The following NEO1 variants were observed in gnomAD, a reference collection of about 807,000 sequenced individuals.
NEO1 encodes neogenin.
A neutral mutation model predicts 159.7 loss-of-function variants in NEO1; 63 were observed. The observed-to-expected ratio is 0.39, with a 90% CI of 0.32 to 0.49. The LOEUF is 0.49. Among genes scored for constraint, NEO1 ranks in the 20% least tolerant of loss-of-function variants. The probability of loss-of-function intolerance (pLI) is 0.85; values close to 1 mark genes in which losing one functional copy is unlikely to be tolerated. For missense variants in NEO1, 1,615 were observed against 1,831.0 expected (o/e 0.88, Z 2.15); for synonymous variants, 633 against 662.0 (o/e 0.96, Z 0.67).
intron 7 of NEO1, among the ~76,000 whole-genome samples, chr15:73,213,544 T>A (rs1160877336): frequency 6.6e-6 from 1 of 152,208 alleles, no homozygotes; most frequent in Non-Finnish European, 1.5e-5. Flanking sequence ...CCTGAGTTAC[T>A]TCACTTTGAA....
chr15:73,258,612 T>C (rs1044977211), intron 13 of NEO1, among the ~76,000 whole-genome samples, 154 bp from the exon 14 acceptor site: 1 of 152,198 alleles, frequency 6.6e-6, no homozygotes, highest in Non-Finnish European at 1.5e-5. Flanking sequence ...TATGTTGTAT[T>C]TGCATTTTGC....
Position 73,176,384 on chromosome 15 carries a change from T to C in NEO1, c.1016-19T>C. On this transcript the variant is annotated intron_variant, in intron 5 of 28. Transcript: ENST00000261908. ...AGTTCTATTTTCATTAATGTCTTAA[T>C]TTCCTTTTTATTTTAAAGCTCAACC... 1 of 1,498,578 alleles carries C rather than the reference T, an allele frequency of 6.7e-7. No homozygotes were observed. The highest frequency in any genetic ancestry group is 9.0e-7 in the Non-Finnish European group (1 of 1,112,072). 92.8% of individuals were successfully genotyped at this position (1,498,578 alleles called of 1,614,324 possible).
intron 7 of NEO1, among the ~76,000 whole-genome samples, chr15:73,209,577 C>G (rs2037433293): frequency 6.6e-6 from 1 of 151,970 alleles, no homozygotes; most frequent in Admixed American, 6.6e-5. Flanking sequence ...AGTAGGACTC[C>G]GTAGAGAAAT....
chr15:73,226,232 T>C (rs1019981243), intron 7 of NEO1, among the ~76,000 whole-genome samples: 3 of 152,314 alleles, frequency 2.0e-5, no homozygotes, highest in African/African-American at 7.2e-5. Context: ...TGGTTTGTTC[T>C]TGCAGTCAAT....
intron 1 of NEO1, among the ~76,000 whole-genome samples, chr15:73,116,119 G>GA (rs975008645): frequency 6.6e-6 from 1 of 151,902 alleles, no homozygotes; most frequent in African/African-American, 2.4e-5. Flanking sequence ...GTAAATTTAT[G>GA]AAAAAAATAC....
At chr15:73,259,189 T>A (rs905258084) in intron 14 of NEO1, 1 of 232,156 alleles carries the variant, frequency 4.3e-6, no homozygotes, top group Non-Finnish European at 8.6e-6. Flanking sequence ...ACATAAATCA[T>A]GCCTTTATTT....
intron 5 of NEO1, among the ~76,000 whole-genome samples, chr15:73,146,296 C>T (rs1327906769): frequency 2.0e-5 from 3 of 152,172 alleles, no homozygotes; most frequent in South Asian, 4.1e-4. Flanking sequence ...GTGCCTGATG[C>T]TGTGTATTTG....
intron 7 of NEO1, among the ~76,000 whole-genome samples, chr15:73,192,017 T>C (rs1231928475): frequency 6.6e-6 from 1 of 152,040 alleles, no homozygotes; most frequent in Non-Finnish European, 1.5e-5. Flanking sequence ...GCAGACATGA[T>C]TCTCTGCCTT....
At chr15:73,057,892 GTT>G (rs1267224080) in intron 1 of NEO1, among the ~76,000 whole-genome samples, 2 of 151,818 alleles carry the variant, frequency 1.3e-5, no homozygotes, top group African/African-American at 2.4e-5. Flanking sequence ...ATAAATATAT[GTT>G]TGTTTGCAGT....
intron 1 of NEO1, among the ~76,000 whole-genome samples, chr15:73,107,194 G>A (rs1016737527): frequency 7.2e-5 from 11 of 152,166 alleles, no homozygotes; most frequent in Admixed American, 7.2e-4. Context: ...ACAAAAGATT[G>A]AGAGCTACAA....
At chr15:73,077,843 A>C (rs1446897523) in intron 1 of NEO1, among the ~76,000 whole-genome samples, 1 of 152,086 alleles carries the variant, frequency 6.6e-6, no homozygotes, top group African/African-American at 2.4e-5. Flanking sequence ...GGTTACTTCC[A>C]TGAAGCAACT....
intron 27 of NEO1, among the ~76,000 whole-genome samples, chr15:73,300,967 T>G (rs1034462588): frequency 1.3e-5 from 2 of 152,200 alleles, no homozygotes; most frequent in Admixed American, 1.3e-4. Flanking sequence ...TCACCCACTA[T>G]TGCCTTTGTA....
intron 1 of NEO1, among the ~76,000 whole-genome samples, chr15:73,093,399 A>T (rs1049025437): frequency 2.0e-5 from 3 of 152,096 alleles, no homozygotes; most frequent in African/African-American, 4.8e-5. Flanking sequence ...TGGTGTTTCT[A>T]TGTGAATTAT....
At chr15:73,271,690 T>C (rs1472287156) in intron 18 of NEO1, among the ~76,000 whole-genome samples, 1 of 152,160 alleles carries the variant, frequency 6.6e-6, no homozygotes, top group Non-Finnish European at 1.5e-5. Context: ...GCGGATCACC[T>C]GAGGCCAAGA....
At chr15:73,052,318 C>A (rs1333689853), upstream of NEO1, among the ~76,000 whole-genome samples, 1 of 124,680 alleles carries the variant, frequency 8.0e-6, no homozygotes, top group Non-Finnish European at 1.8e-5. Context: ...CGCCCCCGCC[C>A]CCGCCGTCCG....
Position 73,269,991 on chromosome 15 carries a change from T to G in NEO1, c.2495-19T>G, listed in dbSNP as rs559955949. The G allele has an allele frequency of 2.0e-5, 32 of 1,592,260 alleles. No individual in the cohort carries two copies. Among genetic ancestry groups the G allele is most frequent in the Non-Finnish European group, 2.7e-5 (31 of 1,161,146 alleles). On this transcript the variant is annotated intron_variant, in intron 16 of 28. Coordinates refer to ENST00000261908, the MANE Select transcript of NEO1 (RefSeq NM_002499.4). ...TACATTAAAATGCCACTTCCCTTTT[T>G]AAATTATTTTCTGCTCAGACACTTC...
intron 13 of NEO1, chr15:73,255,849 C>G (rs1372036684): frequency 6.6e-6 from 1 of 152,140 alleles, no homozygotes; most frequent in Non-Finnish European, 1.5e-5. Context: ...GTTTTGCAAG[C>G]AAACAGATGA....
chr15:73,228,882 A>G (rs898920318), intron 7 of NEO1, among the ~76,000 whole-genome samples: 22 of 152,150 alleles, frequency 1.4e-4, no homozygotes, highest in African/African-American at 5.1e-4. Flanking sequence ...AAATCAATTG[A>G]CCACAAATAT....
intron 1 of NEO1, among the ~76,000 whole-genome samples, chr15:73,096,960 TAAAA>T (rs933133936): frequency 6.6e-6 from 1 of 150,384 alleles, no homozygotes; most frequent in African/African-American, 2.4e-5. Context: ...CCCTGTCTCT[TAAAA>T]AAAAAGAAAA....
Sources: gnomAD v4.1 joint callset for allele counts (sites outside exome capture counted in the v4.1 genomes callset) on GRCh38, gnomAD v4.1.1 for gene constraint, MANE v1.5 for transcripts, NCBI Gene and HGNC (gene_info 2026-07-23, HGNC 2026-07-21) for gene names.